NEGR1: variants seen among roughly 807,000 people sequenced by gnomAD.
NEGR1 encodes the protein IgLON family member 4.
A neutral mutation model predicts 40.9 loss-of-function variants in NEGR1; 10 were observed. The ratio of observed to expected loss-of-function variants is 0.24; its 90% confidence interval spans 0.15 to 0.42. The LOEUF is 0.42. Among genes scored for constraint, NEGR1 ranks in the 10% least tolerant of loss-of-function variants. The pLI, the probability that NEGR1 is intolerant of heterozygous loss-of-function variation, is 1.00. For missense variants in NEGR1, 352 were observed against 438.9 expected, an observed-to-expected ratio of 0.80 and a Z score of 1.77; for synonymous variants, 185 against 166.8, an observed-to-expected ratio of 1.11 and a Z score of -0.84.
At chr1:71,657,948 T>C (rs759902467) in intron 4 of NEGR1, among the ~76,000 whole-genome samples, 8 of 152,228 alleles carry the variant, frequency 5.3e-5, no homozygotes, top group Non-Finnish European at 1.2e-4. Flanking sequence ...TAAACAGTTT[T>C]AGTGACTTGT....
At chr1:71,927,349 G>A (rs1049524853) in intron 2 of NEGR1, among the ~76,000 whole-genome samples, 10 of 152,032 alleles carry the variant, frequency 6.6e-5, no homozygotes, top group African/African-American at 2.4e-4. Context: ...TTTCTGTCAA[G>A]GTATATTTGG....
intron 6 of NEGR1, among the ~76,000 whole-genome samples, chr1:71,564,539 A>T (rs1428604978): frequency 6.6e-6 from 1 of 152,090 alleles, no homozygotes; most frequent in Non-Finnish European, 1.5e-5. Flanking sequence ...TCCTTTACTC[A>T]TATTTCCTCC....
intron 4 of NEGR1, among the ~76,000 whole-genome samples, chr1:71,611,652 G>T (rs189038895): frequency 6.6e-6 from 1 of 152,306 alleles, no homozygotes; most frequent in East Asian, 1.9e-4. Context: ...TGCAGAATTT[G>T]CCTTTGAAGT....
intron 1 of NEGR1, among the ~76,000 whole-genome samples, chr1:72,265,113 C>T (rs1655597591): frequency 6.6e-6 from 1 of 150,802 alleles, no homozygotes; most frequent in South Asian, 2.1e-4. Context: ...TTCTGTATAC[C>T]TTACGTAGCA....
intron 1 of NEGR1, among the ~76,000 whole-genome samples, chr1:72,159,067 C>A (rs1231296529): frequency 6.6e-6 from 1 of 152,112 alleles, no homozygotes; most frequent in African/African-American, 2.4e-5. Context: ...AATTTGTGTA[C>A]TAGATCCTAC....
chr1:72,095,957 T>C (rs906796001), intron 1 of NEGR1, among the ~76,000 whole-genome samples: 1 of 152,192 alleles, frequency 6.6e-6, no homozygotes, highest in Non-Finnish European at 1.5e-5. Context: ...ATTTTCAAAA[T>C]AGTGGATTAA....
At chr1:71,943,289 C>T (rs1207910685) in intron 1 of NEGR1, among the ~76,000 whole-genome samples, 4 of 150,152 alleles carry the variant, frequency 2.7e-5, no homozygotes, top group Non-Finnish European at 5.9e-5. Flanking sequence ...ACACATGTAT[C>T]ATACACATAT....
intron 2 of NEGR1, among the ~76,000 whole-genome samples, chr1:71,863,142 T>C (rs1011742278): frequency 2.0e-5 from 3 of 152,102 alleles, no homozygotes; most frequent in African/African-American, 2.4e-5. Flanking sequence ...TAAAGACACA[T>C]GCATGCATAT....
At chr1:71,666,078 C>T (rs544844044) in intron 4 of NEGR1, among the ~76,000 whole-genome samples, 2 of 152,282 alleles carry the variant, frequency 1.3e-5, no homozygotes, top group Admixed American at 1.3e-4. Flanking sequence ...ATGTTACCCT[C>T]CACTAATATT....
At chr1:72,198,579 G>C (rs1653084016) in intron 1 of NEGR1, among the ~76,000 whole-genome samples, 1 of 151,958 alleles carries the variant, frequency 6.6e-6, no homozygotes, top group Non-Finnish European at 1.5e-5. Flanking sequence ...CTGATACAAG[G>C]AGAATGCTGA....
chr1:72,174,078 C>A (rs1286243221), intron 1 of NEGR1, among the ~76,000 whole-genome samples: 2 of 151,956 alleles, frequency 1.3e-5, no homozygotes, highest in African/African-American at 4.8e-5. Context: ...ACATCCCAAT[C>A]GTTTGTTTTT....
chr1:72,082,608 C>T (rs578207888), intron 1 of NEGR1, among the ~76,000 whole-genome samples: 13 of 151,860 alleles, frequency 8.6e-5, no homozygotes, highest in African/African-American at 3.1e-4. Flanking sequence ...AAACTTTTCC[C>T]TGGATTATTC....
chr1:72,200,576 C>T (rs1653169045), intron 1 of NEGR1, among the ~76,000 whole-genome samples: 1 of 151,886 alleles, frequency 6.6e-6, no homozygotes, highest in Admixed American at 6.6e-5. Flanking sequence ...ATCATTAATA[C>T]ACCAAGCCTC....
At chr1:72,209,780 C>G (rs1033674985) in intron 1 of NEGR1, among the ~76,000 whole-genome samples, 1 of 151,748 alleles carries the variant, frequency 6.6e-6, no homozygotes, top group Non-Finnish European at 1.5e-5. Flanking sequence ...TTATCTGTAA[C>G]AAACGGACAA....
intron 1 of NEGR1, among the ~76,000 whole-genome samples, chr1:72,077,848 A>G (rs547990473): frequency 8.5e-5 from 13 of 152,196 alleles, no homozygotes; most frequent in African/African-American, 3.1e-4. Context: ...AATTTCCCAA[A>G]TCAAGCACAA....
chr1:71,801,357 G>A (rs1657549738), intron 2 of NEGR1, among the ~76,000 whole-genome samples: 1 of 152,134 alleles, frequency 6.6e-6, no homozygotes, highest in African/African-American at 2.4e-5. Flanking sequence ...CAACTAAAAA[G>A]TCAAGAACTC....
chr1:71,826,947 C>T (rs929811762), intron 2 of NEGR1, among the ~76,000 whole-genome samples: 3 of 151,604 alleles, frequency 2.0e-5, no homozygotes, highest in East Asian at 2.0e-4. Flanking sequence ...TAATGATGAG[C>T]GTCAACATTT....
rs534952542 is a variant in NEGR1 at position 71,459,028 on chromosome 1, A to T, written c.941-51458T>A. ...TTCAAGTTCTTTATCAGTTCTGGCCATTAAATAAATAAATAAAATAATAAA... is the reference window on the plus strand; with the variant it reads ...TTCAAGTTCTTTATCAGTTCTGGCCTTTAAATAAATAAATAAAATAATAAA... On this transcript the variant is annotated intron_variant, in intron 6 of 6. Transcript: ENST00000357731. 7.4e-4 allele frequency among the ~76,000 whole-genome samples: 113 copies of T among 152,166 alleles called. No homozygotes were observed. The South Asian group carries it at 0.023, about 31-fold the overall frequency.
chr1:72,027,439 A>G (rs1646821581), intron 1 of NEGR1, among the ~76,000 whole-genome samples: 1 of 152,120 alleles, frequency 6.6e-6, no homozygotes, highest in Non-Finnish European at 1.5e-5. Context: ...ACTAGATTCC[A>G]TGTAAAATAC....
Sources: allele counts gnomAD v4.1 joint callset (sites outside exome capture counted in the v4.1 genomes callset), GRCh38; gene constraint gnomAD v4.1.1; transcripts MANE v1.5; gene names NCBI Gene and HGNC (gene_info 2026-07-23, HGNC 2026-07-21).